The following PDE11A variants were observed in gnomAD, a reference collection of about 807,000 sequenced individuals.
PDE11A encodes phosphodiesterase 11A.
PDE11A carries 100 observed loss-of-function variants against 100.5 expected under a neutral mutation model. The ratio of observed to expected loss-of-function variants is 1.00; its 90% CI spans 0.85 to 1.18. The LOEUF is 1.18. Ranked by LOEUF, PDE11A falls within the 50% of genes most tolerant of loss-of-function variation. The probability of loss-of-function intolerance (pLI) is 0.00; values close to 1 mark genes in which losing one functional copy is unlikely to be tolerated. For missense variants in PDE11A, 1,141 were observed against 1,152.6 expected (o/e 0.99, Z 0.15); for synonymous variants, 381 against 420.8 (o/e 0.91, Z 1.16).
At chr2:177,668,493 T>C (rs2080623629) in intron 18 of PDE11A, among the ~76,000 whole-genome samples, 1 of 152,198 alleles carries the variant, frequency 6.6e-6, no homozygotes, top group African/African-American at 2.4e-5. Flanking sequence ...ACTCAAATAA[T>C]TGTTGTGTGT....
At chr2:177,940,300 T>C (rs539533489) in intron 2 of PDE11A, among the ~76,000 whole-genome samples, 2 of 152,336 alleles carry the variant, frequency 1.3e-5, no homozygotes, top group Non-Finnish European at 2.9e-5. Flanking sequence ...TCTTCAGAGG[T>C]TGAGTATCTA....
At chr2:177,724,974 C>T (rs2081579932) in intron 12 of PDE11A, among the ~76,000 whole-genome samples, 1 of 151,828 alleles carries the variant, frequency 6.6e-6, no homozygotes, top group Admixed American at 6.6e-5. Context: ...CTTTTTTCCC[C>T]CCAGATTAAT....
chr2:177,682,373 C>G (rs1334590813), intron 15 of PDE11A, among the ~76,000 whole-genome samples: 1 of 152,204 alleles, frequency 6.6e-6, no homozygotes, highest in Admixed American at 6.5e-5. Flanking sequence ...GTTCTCAGGA[C>G]TTGCTGAGTC....
chr2:177,650,209 G>A (rs751119002), intron 19 of PDE11A, among the ~76,000 whole-genome samples: 36 of 152,194 alleles, frequency 2.4e-4, no homozygotes, highest in African/African-American at 7.5e-4. Context: ...CCATTAAATA[G>A]ATTTTGAAAA....
intron 2 of PDE11A, among the ~76,000 whole-genome samples, chr2:177,989,074 A>C (rs1025385660): frequency 2.0e-5 from 3 of 152,232 alleles, no homozygotes; most frequent in African/African-American, 7.2e-5. Context: ...ACACATGCTC[A>C]AATTTTTGGT....
intron 18 of PDE11A, among the ~76,000 whole-genome samples, chr2:177,665,838 CAG>C (rs1458191273): frequency 1.4e-5 from 2 of 139,970 alleles, no homozygotes; most frequent in Non-Finnish European, 3.0e-5. Context: ...GCCTCGGCGA[CAG>C]AGCAAGACTC....
At chr2:177,853,910 A>T (rs2083780971) in intron 5 of PDE11A, among the ~76,000 whole-genome samples, 1 of 146,602 alleles carries the variant, frequency 6.8e-6, no homozygotes, top group African/African-American at 2.5e-5. Flanking sequence ...ATATGTATAT[A>T]TGTGCATATA....
intron 1 of PDE11A, among the ~76,000 whole-genome samples, chr2:178,044,350 GATATATAAACTTTATATATATGTTTTTAT>G (rs970472509): frequency 1.6e-5 from 2 of 122,666 alleles, no homozygotes; most frequent in African/African-American, 3.1e-5. Flanking sequence ...AGTGTATATA[GATATATAAACTTTATATATATGTTTTTAT>G]ATATATAAAC....
intron 14 of PDE11A, among the ~76,000 whole-genome samples, chr2:177,697,966 G>T (rs181518311): frequency 7.9e-5 from 12 of 152,296 alleles, no homozygotes; most frequent in African/African-American, 2.4e-4. Context: ...TGACATTTTT[G>T]ATTGTCACAA....
intron 2 of PDE11A, among the ~76,000 whole-genome samples, chr2:177,959,357 C>T (rs1057168434): frequency 6.6e-5 from 10 of 152,058 alleles, no homozygotes; most frequent in Admixed American, 6.6e-5. Context: ...CAAAAGTGCC[C>T]GTGGCAGTTT....
intron 12 of PDE11A, among the ~76,000 whole-genome samples, chr2:177,718,099 G>C (rs1392139409): frequency 1.3e-5 from 2 of 152,204 alleles, no homozygotes; most frequent in South Asian, 2.1e-4. Flanking sequence ...TTTGAGAAGA[G>C]GCCTGGGATA....
intron 1 of PDE11A, among the ~76,000 whole-genome samples, chr2:178,058,840 T>C (rs1257196523): frequency 6.6e-6 from 1 of 152,046 alleles, no homozygotes; most frequent in African/African-American, 2.4e-5. Context: ...TACAGATAAA[T>C]TACTATGGAA....
chr2:177,882,356 G>T (rs2084357314), intron 4 of PDE11A, among the ~76,000 whole-genome samples: 1 of 152,156 alleles, frequency 6.6e-6, no homozygotes, highest in Non-Finnish European at 1.5e-5. Context: ...AATTTAACGG[G>T]ATATATAGAA....
intron 10 of PDE11A, among the ~76,000 whole-genome samples, chr2:177,766,228 C>T (rs2082236903): frequency 1.3e-5 from 2 of 152,122 alleles, no homozygotes; most frequent in South Asian, 4.1e-4. Context: ...ATAAGGAGCA[C>T]GCAACCTAGA....
intron 10 of PDE11A, among the ~76,000 whole-genome samples, chr2:177,765,893 C>T (rs1024008802): frequency 3.0e-4 from 46 of 152,308 alleles, no homozygotes; most frequent in African/African-American, 1.0e-3. Context: ...TTCTGCATCC[C>T]AGATGTGGTG....
chr2:177,761,772 C>T (rs2082173561), intron 10 of PDE11A, among the ~76,000 whole-genome samples: 1 of 152,136 alleles, frequency 6.6e-6, no homozygotes, highest in African/African-American at 2.4e-5. Context: ...GCAGAAAACA[C>T]CAAGTAGAAC....
At chr2:177,699,993 C>T (rs1017616964) in intron 14 of PDE11A, among the ~76,000 whole-genome samples, 2 of 152,168 alleles carry the variant, frequency 1.3e-5, no homozygotes, top group African/African-American at 4.8e-5. Context: ...CCTTTACCAA[C>T]ACAGAAAAGA....
intron 2 of PDE11A, among the ~76,000 whole-genome samples, chr2:177,991,188 G>A (rs1351684472): frequency 3.3e-5 from 5 of 150,180 alleles, no homozygotes; most frequent in African/African-American, 1.2e-4. Context: ...AGCTGGGTGT[G>A]GTGGTACTCA....
At chr2:177,673,196 A>G (rs940641309) in intron 17 of PDE11A, among the ~76,000 whole-genome samples, 1 of 152,254 alleles carries the variant, frequency 6.6e-6, no homozygotes, top group African/African-American at 2.4e-5. Flanking sequence ...GACTAAACGT[A>G]CAAGAGAGTT....
Sources: allele counts gnomAD v4.1 joint callset (sites outside exome capture counted in the v4.1 genomes callset), GRCh38; gene constraint gnomAD v4.1.1; transcripts MANE v1.5; gene names NCBI Gene and HGNC (gene_info 2026-07-23, HGNC 2026-07-21).